The following PVT1 variants were observed in gnomAD, a reference collection of about 807,000 sequenced individuals.
The protein encoded by PVT1 is Pvt1 oncogene.
intron 2 of PVT1, among the ~76,000 whole-genome samples, chr8:127,807,026 G>A (rs1396812632): frequency 9.2e-5 from 14 of 152,190 alleles, no homozygotes; most frequent in Admixed American, 9.2e-4. Flanking sequence ...TGACTCAAGT[G>A]TTGACAAGGC....
At chr8:127,906,486 G>T (rs1298641853) in intron 3 of PVT1, among the ~76,000 whole-genome samples, 3 of 152,162 alleles carry the variant, frequency 2.0e-5, no homozygotes, top group Admixed American at 6.5e-5. Context: ...ATGGTAAAAG[G>T]AGAAACTGGG....
At chr8:128,075,028 G>A (rs551033477) in intron 5 of PVT1, among the ~76,000 whole-genome samples, 3 of 152,170 alleles carry the variant, frequency 2.0e-5, no homozygotes, top group Non-Finnish European at 4.4e-5. Context: ...CAAACTATCC[G>A]TTGTACTATT....
intron 3 of PVT1, among the ~76,000 whole-genome samples, chr8:127,937,548 G>GAC (rs35147410): frequency 0.025 from 3,010 of 122,608 alleles, 168 homozygotes; most frequent in African/African-American, 0.092. Flanking sequence ...TAGGGAAAAA[G>GAC]ACACACACAC....
At chr8:127,795,893 G>A (rs975569524) in intron 1 of PVT1, 3 of 170,370 alleles carry the variant, frequency 1.8e-5, no homozygotes, top group African/African-American at 7.2e-5. Flanking sequence ...ACTTTCTACA[G>A]GATTTATTAG....
intron 4 of PVT1, among the ~76,000 whole-genome samples, chr8:128,066,148 C>T (rs1470747304): frequency 6.6e-6 from 1 of 152,190 alleles, no homozygotes; most frequent in African/African-American, 2.4e-5. Context: ...TTCCATGTGA[C>T]CTGAAAGGGG....
chr8:128,021,526 T>C (rs202243515), intron 4 of PVT1, among the ~76,000 whole-genome samples: 2,620 of 151,970 alleles, frequency 0.017, 77 homozygotes, highest in African/African-American at 0.059. Flanking sequence ...ATCTCCTGAC[T>C]TCGTGATCCG....
intron 4 of PVT1, among the ~76,000 whole-genome samples, chr8:128,029,945 T>C (rs967266956): frequency 4.6e-5 from 7 of 152,168 alleles, no homozygotes; most frequent in Non-Finnish European, 1.0e-4. Context: ...CTTGTCTTTA[T>C]AAAAATTTTT....
chr8:127,897,855 A>G (rs952881259), intron 3 of PVT1, among the ~76,000 whole-genome samples: 1 of 136,348 alleles, frequency 7.3e-6, no homozygotes, highest in Non-Finnish European at 1.6e-5. Flanking sequence ...GAAAAGAAAG[A>G]CAGGAAGGAA....
intron 3 of PVT1, among the ~76,000 whole-genome samples, chr8:127,901,407 G>A (rs759019407): frequency 6.6e-6 from 1 of 152,180 alleles, no homozygotes; most frequent in Non-Finnish European, 1.5e-5. Flanking sequence ...AAAGCCCACA[G>A]CACAGGCACA....
chr8:127,887,990 G>GAGTGC (rs1483747986), intron 2 of PVT1, among the ~76,000 whole-genome samples: 3 of 112,316 alleles, frequency 2.7e-5, no homozygotes, highest in African/African-American at 1.0e-4. Context: ...ACCTAGGCTA[G>GAGTGC]AGTGCAGTGG....
Position 127,957,575 on chromosome 8 carries a change from AAAAAAAAAAAAG to A in PVT1, n.783-31582_783-31571del, listed in dbSNP as rs1247736055. On this transcript the variant is annotated intron_variant and non_coding_transcript_variant, in intron 3 of 10. Coordinates refer to ENST00000651587, the Ensembl canonical transcript of PVT1. Reference sequence around the variant, plus strand: ...GAGCGAGACTCCGTCTCAAAAAAAAAAAAAAAAAAAAGAAAAGAAAAGAAAAAAAAGTCTTCT... The same window carrying A: ...GAGCGAGACTCCGTCTCAAAAAAAAAAAAAGAAAAGAAAAAAAAGTCTTCT... Among the ~76,000 whole-genome samples the A allele has an allele frequency of 4.0e-5, 6 of 150,872 alleles. No homozygotes were observed. In the East Asian group the frequency reaches 1.2e-3, roughly 29 times the overall value.
intron 3 of PVT1, among the ~76,000 whole-genome samples, chr8:127,941,719 C>G (rs1188382413): frequency 6.6e-6 from 1 of 152,208 alleles, no homozygotes; most frequent in Non-Finnish European, 1.5e-5. Flanking sequence ...GATCATCATG[C>G]CTTTGCAAAT....
At chr8:128,078,752 C>G (rs1031425369) in intron 5 of PVT1, among the ~76,000 whole-genome samples, 49 of 152,268 alleles carry the variant, frequency 3.2e-4, no homozygotes, top group African/African-American at 1.1e-3. Context: ...AACATACTAT[C>G]AATTATCATT....
At chr8:127,857,667 G>A (rs1245992599) in intron 2 of PVT1, among the ~76,000 whole-genome samples, 2 of 152,166 alleles carry the variant, frequency 1.3e-5, no homozygotes, top group East Asian at 3.8e-4. Context: ...GCCACAGAGT[G>A]AGACTGCCTC....
intron 5 of PVT1, among the ~76,000 whole-genome samples, chr8:128,083,189 T>C (rs1021189452): frequency 8.5e-5 from 13 of 152,236 alleles, no homozygotes; most frequent in Non-Finnish European, 1.6e-4. Context: ...GACTGTTGAA[T>C]AAAGGATAAT....
At chr8:127,871,814 C>T (rs181189503) in intron 2 of PVT1, among the ~76,000 whole-genome samples, 6 of 152,306 alleles carry the variant, frequency 3.9e-5, no homozygotes, top group Admixed American at 6.5e-5. Context: ...ACTGGCTGAG[C>T]GCAGTGGCTC....
chr8:128,085,249 T>C (rs910169193), intron 5 of PVT1, among the ~76,000 whole-genome samples: 1 of 152,134 alleles, frequency 6.6e-6, no homozygotes, highest in African/African-American at 2.4e-5. Flanking sequence ...GATGCACATG[T>C]AGGCCCTCTG....
chr8:127,897,096 T>A (rs1815688626), intron 3 of PVT1, among the ~76,000 whole-genome samples: 1 of 152,176 alleles, frequency 6.6e-6, no homozygotes, highest in Admixed American at 6.5e-5. Context: ...CCAAAGTTAA[T>A]GAAGGGAACA....
chr8:127,945,034 C>T (rs1816402969), intron 3 of PVT1, among the ~76,000 whole-genome samples: 1 of 152,052 alleles, frequency 6.6e-6, no homozygotes, highest in South Asian at 2.1e-4. Flanking sequence ...AGGCAATAGG[C>T]TGATAAAACA....
Sources: allele counts gnomAD v4.1 joint callset (sites outside exome capture counted in the v4.1 genomes callset), GRCh38; gene constraint gnomAD v4.1.1; transcripts MANE v1.5; gene names NCBI Gene and HGNC (gene_info 2026-07-23, HGNC 2026-07-21).